Variants in NOTCH2 observed in about 807,000 individuals in gnomAD.
The protein encoded by NOTCH2 is neurogenic locus notch homolog protein 2.
NOTCH2 carries 29 observed loss-of-function variants against 235.8 expected under a neutral mutation model. That is an observed-to-expected ratio of 0.12 (90% CI 0.09 to 0.17). The LOEUF is 0.17. Among genes scored for constraint, NOTCH2 ranks in the 10% least tolerant of loss-of-function variants. The pLI is 1.00. For synonymous variants in NOTCH2, 1,086 were observed against 1,141.5 expected (o/e 0.95, Z 0.98); for missense variants, 2,285 against 3,150.2 (o/e 0.73, Z 6.57).
At chr1:119,962,566 A>G (rs1384942925) in intron 11 of NOTCH2, among the ~76,000 whole-genome samples, 1 of 152,226 alleles carries the variant, frequency 6.6e-6, no homozygotes, top group Non-Finnish European at 1.5e-5. Flanking sequence ...AGCCTTGGGT[A>G]AAGACCAGAG....
At chr1:120,015,149 T>C (rs1271285466) in intron 2 of NOTCH2, among the ~76,000 whole-genome samples, 2 of 152,086 alleles carry the variant, frequency 1.3e-5, no homozygotes, top group Non-Finnish European at 2.9e-5. Flanking sequence ...CTATACAGAA[T>C]GTGGAACGAA....
At chr1:120,002,399 A>G (rs587767773) in intron 3 of NOTCH2, among the ~76,000 whole-genome samples, 1 of 150,864 alleles carries the variant, frequency 6.6e-6, no homozygotes, top group Non-Finnish European at 1.5e-5. Flanking sequence ...AATACAGGAG[A>G]TCCATTAGGG....
At chr1:119,978,241 G>C (rs912822072) in intron 5 of NOTCH2, among the ~76,000 whole-genome samples, 19 of 152,076 alleles carry the variant, frequency 1.2e-4, no homozygotes, top group Admixed American at 9.2e-4. Context: ...GTTCATTTGC[G>C]GCAATGAAAA....
intron 5 of NOTCH2, among the ~76,000 whole-genome samples, chr1:119,971,928 G>A (rs1304303589): frequency 6.6e-6 from 1 of 152,050 alleles, no homozygotes; most frequent in Non-Finnish European, 1.5e-5. Context: ...TACAGAAAGA[G>A]TGAGTGAGGG....
At chr1:119,954,331 G>A (rs887389639) in intron 13 of NOTCH2, among the ~76,000 whole-genome samples, 2 of 152,174 alleles carry the variant, frequency 1.3e-5, no homozygotes, top group Admixed American at 6.5e-5. Context: ...GGATAAGGGT[G>A]CCTTGAAGGC....
intron 19 of NOTCH2, 46 bp downstream of exon 19, chr1:119,940,509 T>G (rs782338712): frequency 3.2e-6 from 5 of 1,542,006 alleles, no homozygotes; most frequent in Non-Finnish European, 4.5e-6. Context: ...GGTATAATAT[T>G]CAGCTGCTCT....
intron 11 of NOTCH2, among the ~76,000 whole-genome samples, chr1:119,961,380 A>C (rs587752935): frequency 1.3e-5 from 2 of 152,278 alleles, no homozygotes; most frequent in African/African-American, 4.8e-5. Context: ...CTCCCAATGA[A>C]GCCCTGATGA....
chr1:120,010,796 C>A (rs1553206833), intron 2 of NOTCH2, among the ~76,000 whole-genome samples: 1 of 152,190 alleles, frequency 6.6e-6, no homozygotes, highest in East Asian at 1.9e-4. Context: ...CCCGAGATAA[C>A]TGAAAACATA....
intron 5 of NOTCH2, among the ~76,000 whole-genome samples, chr1:119,969,972 TA>T (rs1359634133): frequency 1.3e-5 from 2 of 152,214 alleles, no homozygotes; most frequent in Admixed American, 6.5e-5. Flanking sequence ...TTAGAAACTC[TA>T]ACAACATTAG....
At position 120,040,971 on chromosome 1, in the gene NOTCH2, G is replaced by T. The variant is rs587702967; in HGVS notation, c.74-10984C>A. Among the ~76,000 whole-genome samples, 66 of 144,134 alleles carry T rather than the reference G, an allele frequency of 4.6e-4. No homozygotes were observed. In the East Asian group the frequency reaches 9.3e-3, roughly 20 times the overall value. The allele number at this position is 144,134 out of a possible 152,430, so 94.6% of individuals were successfully genotyped here. A position where few individuals can be genotyped will look rare whatever the true frequency, so the allele number is the denominator to read the frequency against. On this transcript the variant is annotated intron_variant, in intron 1 of 33. Transcript: ENST00000256646. Reference sequence around the variant, plus strand: ...CAGGAGAATGGAATGAACCCGGGAGGCGGAGCTTGCAATGAGCCGAGATTG... The same window carrying T: ...CAGGAGAATGGAATGAACCCGGGAGTCGGAGCTTGCAATGAGCCGAGATTG...
intron 22 of NOTCH2, among the ~76,000 whole-genome samples, chr1:119,934,051 T>C (rs1289124200): frequency 2.0e-5 from 3 of 152,236 alleles, no homozygotes; most frequent in Non-Finnish European, 4.4e-5. Context: ...TATTCGACTT[T>C]ATTTGAGTGA....
At chr1:119,963,256 G>T (rs996557023) in intron 11 of NOTCH2, among the ~76,000 whole-genome samples, 1 of 152,072 alleles carries the variant, frequency 6.6e-6, no homozygotes, top group Non-Finnish European at 1.5e-5. Flanking sequence ...AAGAAAAAAA[G>T]ATAATATAGC....
chr1:119,928,858 G>C (rs1341866746), intron 23 of NOTCH2, 118 bp downstream of exon 23: 2 of 848,712 alleles, frequency 2.4e-6, no homozygotes, highest in Admixed American at 1.9e-5. Flanking sequence ...TTAAGCTGCT[G>C]TTGTTTTTCT....
In NOTCH2 at chr1:119,914,923, A is replaced by C. The variant is rs1649012886; in HGVS notation, c.*383T>G. ...ATTCCAGGGCATAATTCCCAACAGG[A>C]CGCTAGTGTAGAATCTTCTCATGGA... On this transcript the variant is annotated 3_prime_UTR_variant, in exon 34 of 34. Coordinates refer to ENST00000256646, the MANE Select transcript of NOTCH2 (RefSeq NM_024408.4). 2.6e-6 allele frequency: 1 copy of C among 387,598 alleles called. No individual in the cohort carries two copies. Among genetic ancestry groups the C allele is most frequent in the South Asian group, 3.1e-5 (1 of 32,716 alleles). The allele number at this position is 387,598 out of a possible 1,614,324, so 24.0% of individuals were successfully genotyped here. A position where few individuals can be genotyped will look rare whatever the true frequency, so the allele number is the denominator to read the frequency against.
At position 119,927,741 on chromosome 1, in the gene NOTCH2, G is replaced by A. The variant is rs960165230; in HGVS notation, c.3893-1130C>T. On this transcript the variant is annotated intron_variant, in intron 23 of 33. Transcript: ENST00000256646. The stretch of plus-strand genomic sequence containing the variant: ...TCAAAGTGCAGTTTGGCCAATACGA[G>A]GCTGTAGACAGATTATTCATACTTA... Among the ~76,000 whole-genome samples the A allele has an allele frequency of 4.6e-5, 7 of 152,260 alleles. No homozygotes were observed. In the East Asian group the frequency reaches 1.4e-3, roughly 29 times the overall value.
At chr1:120,011,757 C>G (rs1355247708) in intron 2 of NOTCH2, among the ~76,000 whole-genome samples, 1 of 152,090 alleles carries the variant, frequency 6.6e-6, no homozygotes, top group Non-Finnish European at 1.5e-5. Context: ...TGGCTCACAC[C>G]TGTAATCTCA....
At chr1:119,937,748 T>C in intron 20 of NOTCH2, 109 bp downstream of exon 20, 1 of 1,232,892 alleles carries the variant, frequency 8.1e-7, no homozygotes, top group Non-Finnish European at 1.2e-6. Context: ...GCCCACCCAC[T>C]ACTATCTGCC....
intron 22 of NOTCH2, among the ~76,000 whole-genome samples, chr1:119,934,395 C>T (rs375383818): frequency 6.6e-6 from 1 of 152,200 alleles, no homozygotes; most frequent in Non-Finnish European, 1.5e-5. Context: ...TCACCAGAAT[C>T]GTAGCTTGTC....
chr1:119,998,657 A>T (rs2101216781), intron 3 of NOTCH2, among the ~76,000 whole-genome samples: 2 of 152,212 alleles, frequency 1.3e-5, no homozygotes, highest in East Asian at 3.9e-4. Context: ...TTATTATTTA[A>T]ACTACAGAGA....
Sources: gnomAD v4.1 joint callset for allele counts (sites outside exome capture counted in the v4.1 genomes callset) on GRCh38, gnomAD v4.1.1 for gene constraint, MANE v1.5 for transcripts, NCBI Gene and HGNC (gene_info 2026-07-23, HGNC 2026-07-21) for gene names.